The following LONP2 variants were observed in gnomAD, a reference collection of about 807,000 sequenced individuals.
LONP2 encodes the protein lon peptidase 2, peroxisomal.
A neutral mutation model predicts 85.6 loss-of-function variants in LONP2; 60 were observed. That is an observed-to-expected ratio of 0.70 (90% CI 0.57 to 0.87). LONP2 has a LOEUF of 0.87. LONP2 is among the 40% of genes least tolerant of loss of function. The pLI, the probability that LONP2 is intolerant of heterozygous loss-of-function variation, is 0.00. For missense variants in LONP2, 860 were observed against 1,063.5 expected, an observed-to-expected ratio of 0.81 and a Z score of 2.66; for synonymous variants, 395 against 389.7, an observed-to-expected ratio of 1.01 and a Z score of -0.16.
At chr16:48,319,320 G>A (rs932138273) in intron 11 of LONP2, among the ~76,000 whole-genome samples, 1 of 151,856 alleles carries the variant, frequency 6.6e-6, no homozygotes, top group African/African-American at 2.4e-5. Flanking sequence ...GGTGGAGGTC[G>A]CAGTGAGCCA....
intron 11 of LONP2, among the ~76,000 whole-genome samples, chr16:48,326,982 T>C (rs1355240054): frequency 6.6e-6 from 1 of 152,352 alleles, no homozygotes; most frequent in Non-Finnish European, 1.5e-5. Context: ...TCTGTCCCTA[T>C]AGGACTTCCC....
intron 10 of LONP2, 43 bp downstream of exon 10, chr16:48,299,831 T>C (rs1205431950): frequency 1.9e-6 from 3 of 1,586,620 alleles, no homozygotes; most frequent in African/African-American, 1.4e-5. Flanking sequence ...CAGGCAACTT[T>C]TGAGTATTTA....
intron 11 of LONP2, among the ~76,000 whole-genome samples, chr16:48,317,016 G>A (rs16946097): frequency 0.012 from 1,869 of 152,196 alleles, 42 homozygotes; most frequent in African/African-American, 0.043. Flanking sequence ...GTCAGGACTC[G>A]TCAATTTCAG....
chr16:48,358,302 A>G (rs181569166), downstream of LONP2, among the ~76,000 whole-genome samples: 10 of 152,340 alleles, frequency 6.6e-5, no homozygotes, highest in African/African-American at 2.2e-4. Context: ...CCAGAAAGCA[A>G]TGATGAAGTG....
chr16:48,353,462 C>T lies in LONP2; in HGVS notation c.*1660C>T, dbSNP rs559813603. 1 of 147,262 alleles carries T rather than the reference C, an allele frequency of 6.8e-6. No individual in the cohort carries two copies. The highest frequency in any genetic ancestry group is 6.9e-5 in the Admixed American group (1 of 14,482). The allele number at this position is 147,262 out of a possible 1,614,324, so 9.1% of individuals were successfully genotyped here. Reference sequence around the variant, plus strand: ...TGAGCCAAGATCACGCCACTGCACTCCAGCACCCTGGGCGACAGAGTGAGA... The same window carrying T: ...TGAGCCAAGATCACGCCACTGCACTTCAGCACCCTGGGCGACAGAGTGAGA... On this transcript the variant is annotated 3_prime_UTR_variant, in exon 15 of 15. Transcript: ENST00000285737.
At chr16:48,344,077 T>A (rs1178546759) in intron 12 of LONP2, 1 of 152,230 alleles carries the variant, frequency 6.6e-6, no homozygotes, top group African/African-American at 2.4e-5. Flanking sequence ...GTTGAGTCAC[T>A]TATTTGCTAT....
intron 6 of LONP2, among the ~76,000 whole-genome samples, chr16:48,265,078 G>C (rs1000736227): frequency 6.6e-5 from 10 of 152,046 alleles, no homozygotes; most frequent in African/African-American, 9.7e-5. Context: ...ATTTTTTGCC[G>C]TTAAGTTTCA....
chr16:48,330,616 A>G (rs1959407385), intron 11 of LONP2, among the ~76,000 whole-genome samples: 1 of 152,172 alleles, frequency 6.6e-6, no homozygotes, highest in African/African-American at 2.4e-5. Context: ...ATGAGGAATC[A>G]AAGTGGGTAT....
chr16:48,342,915 GTC>G (rs1368304551), intron 12 of LONP2, among the ~76,000 whole-genome samples: 1 of 152,168 alleles, frequency 6.6e-6, no homozygotes, highest in Non-Finnish European at 1.5e-5. Context: ...CAGGTTCTGT[GTC>G]TCATGTGGCA....
In LONP2 at chr16:48,296,074, C is replaced by T. The variant is rs779599120; in HGVS notation, c.1443C>T (p.Asp481=). The stretch of plus-strand genomic sequence containing the variant: ...ATCATTATCTAAATGTGGCCTTTGA[C>T]CTTTCTCAAGTTCTTTTTATAGCTA... ...FTDHYLNVAF[D]LSQVLFIATA... is the part of the protein sequence containing the mutation. The change falls in exon 9 of 15, where the codon GAC becomes GAT. Residue 481 remains aspartate (D), a synonymous_variant. Coordinates refer to ENST00000285737, the MANE Select transcript of LONP2 (RefSeq NM_031490.5). The T allele has an allele frequency of 2.6e-5, 42 of 1,614,104 alleles. No individual in the cohort carries two copies. The highest frequency in any genetic ancestry group is 3.5e-5 in the Non-Finnish European group (41 of 1,179,992).
In LONP2 at chr16:48,338,158, AGTCTAGGGTCTGTGGTTT is replaced by A. The variant is rs1480223297; in HGVS notation, c.1938+3801_1938+3818del. On this transcript the variant is annotated intron_variant, in intron 12 of 14. Transcript: ENST00000285737. The stretch of plus-strand genomic sequence containing the variant: ...TGTATTCTCCCTTAGGGTAAATTAC[AGTCTAGGGTCTGTGGTTT>A]CTTCTAGAAAGAGTTTGATTCATTT... 2.7e-3 allele frequency among the ~76,000 whole-genome samples: 416 copies of A among 152,272 alleles called. 2 individuals are homozygous for A. Among genetic ancestry groups the A allele is most frequent in the African/African-American group, 9.7e-3 (404 of 41,548 alleles).
chr16:48,266,170 A>AT (rs1971985198), intron 6 of LONP2, among the ~76,000 whole-genome samples: 1 of 151,840 alleles, frequency 6.6e-6, no homozygotes, highest in Non-Finnish European at 1.5e-5. Context: ...CACCCGGCTA[A>AT]TTTTTTGTAT....
Position 48,299,648 on chromosome 16 carries a change from C to T in LONP2, c.1535-14C>T. ...CATGTAAATAATTACAAAACAAGAT[C>T]TCTTCTTTTCCAGGTTATACACAGG... On this transcript the variant is annotated splice_polypyrimidine_tract_variant and intron_variant, in intron 9 of 14. Coordinates refer to ENST00000285737, the MANE Select transcript of LONP2 (RefSeq NM_031490.5). The T allele has an allele frequency of 1.9e-6, 3 of 1,591,858 alleles. No homozygotes were observed. The highest frequency in any genetic ancestry group is 2.6e-6 in the Non-Finnish European group (3 of 1,173,430).
At chr16:48,295,839 A>C (rs924973486) in intron 8 of LONP2, among the ~76,000 whole-genome samples, 176 bp from the exon 9 acceptor site, 2 of 152,230 alleles carry the variant, frequency 1.3e-5, no homozygotes, top group African/African-American at 4.8e-5. Flanking sequence ...TTTTTTAAAA[A>C]GTATGTAGAA....
intron 4 of LONP2, among the ~76,000 whole-genome samples, chr16:48,260,418 G>A (rs1567311554): frequency 6.6e-6 from 1 of 152,278 alleles, no homozygotes; most frequent in East Asian, 1.9e-4. Flanking sequence ...GCAACATAGT[G>A]AGACCTCATC....
rs566750884 is a variant in LONP2 at position 48,354,700 on chromosome 16, G to A, written c.*2898G>A. ...TTACTTAGCAAGCCATCAACTGCTC[G>A]AACAGTCACTGGGGCAACTACTTTT... On this transcript the variant is annotated 3_prime_UTR_variant, in exon 15 of 15. Coordinates refer to ENST00000285737, the MANE Select transcript of LONP2 (RefSeq NM_031490.5). The A allele has an allele frequency of 2.6e-5, 4 of 152,218 alleles. No homozygotes were observed. Among genetic ancestry groups the A allele is most frequent in the South Asian group, 4.1e-4 (2 of 4,820 alleles). The allele number at this position is 152,218 out of a possible 1,614,324, so 9.4% of individuals were successfully genotyped here.
At chr16:48,342,520 TC>T (rs1230595697) in intron 12 of LONP2, among the ~76,000 whole-genome samples, 1 of 152,202 alleles carries the variant, frequency 6.6e-6, no homozygotes, top group Non-Finnish European at 1.5e-5. Flanking sequence ...CCAACAGGAA[TC>T]CGTTGTGCCA....
Position 48,254,976 on chromosome 16 carries a change from A to G in LONP2, c.469-1634A>G, listed in dbSNP as rs528196903. Reference sequence around the variant, plus strand: ...CCACCTGAACAGCTTCATCGTAATTATACTTTAATTCCCTTCATTCTAGGC... The same window carrying G: ...CCACCTGAACAGCTTCATCGTAATTGTACTTTAATTCCCTTCATTCTAGGC... On this transcript the variant is annotated intron_variant, in intron 2 of 14. Transcript: ENST00000285737. 2.6e-5 allele frequency among the ~76,000 whole-genome samples: 4 copies of G among 152,190 alleles called. No individual in the cohort carries two copies. The South Asian group carries it at 6.2e-4, about 24-fold the overall frequency.
rs1418256422 is a variant in LONP2 at position 48,337,867 on chromosome 16, G to C, written c.1938+3509G>C. ...CTCACTCTGTCACCTAGGCTGGATT[G>C]CAGTGGCATGATCATAGCTCACTGC... On this transcript the variant is annotated intron_variant, in intron 12 of 14. Transcript: ENST00000285737. 2.0e-5 allele frequency among the ~76,000 whole-genome samples: 3 copies of C among 152,188 alleles called. No homozygotes were observed. In the East Asian group the frequency reaches 5.8e-4, roughly 29 times the overall value.
Sources: gnomAD v4.1 joint callset for allele counts (sites outside exome capture counted in the v4.1 genomes callset) on GRCh38, gnomAD v4.1.1 for gene constraint, MANE v1.5 for transcripts, NCBI Gene and HGNC (gene_info 2026-07-23, HGNC 2026-07-21) for gene names.